ANO4: variants seen among roughly 807,000 people sequenced by gnomAD.
The protein encoded by ANO4 is anoctamin-4.
In ANO4, 69 loss-of-function variants were observed where a neutral mutation model predicts 141.9. The ratio of observed to expected loss-of-function variants is 0.49; its 90% CI spans 0.40 to 0.59. ANO4 has a LOEUF of 0.59. Among genes scored for constraint, ANO4 ranks in the 20% least tolerant of loss-of-function variants. ANO4 has a pLI of 0.00. For missense variants in ANO4, 894 were observed against 1,162.2 expected (o/e 0.77, Z 3.36); for synonymous variants, 350 against 394.3 (o/e 0.89, Z 1.33).
intron 1 of ANO4, among the ~76,000 whole-genome samples, chr12:100,816,043 A>G (rs1480256716): frequency 6.6e-6 from 1 of 152,060 alleles, no homozygotes; most frequent in Non-Finnish European, 1.5e-5. Flanking sequence ...TCAACTCTTA[A>G]TTATTCTTAA....
chr12:101,004,116 C>T (rs1228209142), intron 8 of ANO4, among the ~76,000 whole-genome samples: 1 of 138,508 alleles, frequency 7.2e-6, no homozygotes, highest in African/African-American at 2.8e-5. Context: ...AAAACTGAAA[C>T]CTGGCAGTTA....
chr12:101,039,047 C>T (rs2047312625), intron 10 of ANO4: 1 of 152,232 alleles, frequency 6.6e-6, no homozygotes. Context: ...ATGCACTTCT[C>T]TGGCCCTTTG....
At position 100,951,994 on chromosome 12, in the gene ANO4, G is replaced by C. The variant is rs182298723; in HGVS notation, c.456+9459G>C. Among the ~76,000 whole-genome samples, 259 of 152,082 alleles carry C rather than the reference G, an allele frequency of 1.7e-3. 1 individual carries two copies. Among genetic ancestry groups the C allele is most frequent in the African/African-American group, 5.8e-3 (242 of 41,470 alleles). ...CAAGCATTGTCACATGTCCTGGTGT[G>C]GGGGGAGGGAGGAATCATCCCTAGC... On this transcript the variant is annotated intron_variant, in intron 5 of 27. Coordinates refer to ENST00000392977, the MANE Select transcript of ANO4 (RefSeq NM_001286615.2).
intron 14 of ANO4, among the ~76,000 whole-genome samples, chr12:101,063,746 T>TA (rs2048452733): frequency 1.8e-5 from 1 of 55,772 alleles, no homozygotes; most frequent in Non-Finnish European, 3.3e-5. Context: ...CCAGGTTATC[T>TA]TTTTTTTTTT....
At chr12:100,966,828 C>T (rs1302987331) in intron 5 of ANO4, among the ~76,000 whole-genome samples, 1 of 125,208 alleles carries the variant, frequency 8.0e-6, no homozygotes, top group East Asian at 2.7e-4. Flanking sequence ...TATATATATA[C>T]ACATATATAT....
At chr12:100,814,563 A>G (rs1044360694) in intron 1 of ANO4, among the ~76,000 whole-genome samples, 1 of 152,116 alleles carries the variant, frequency 6.6e-6, no homozygotes, top group Non-Finnish European at 1.5e-5. Flanking sequence ...TAGTCCTTAT[A>G]TGTTTTTATT....
chr12:100,977,756 G>A (rs1422066603), intron 7 of ANO4, among the ~76,000 whole-genome samples: 2 of 152,044 alleles, frequency 1.3e-5, no homozygotes, highest in Non-Finnish European at 2.9e-5. Context: ...CTCCTGAGTA[G>A]CAAATCTGAT....
chr12:101,058,136 T>A (rs1409986564), intron 14 of ANO4, among the ~76,000 whole-genome samples: 1 of 152,184 alleles, frequency 6.6e-6, no homozygotes, highest in East Asian at 1.9e-4. Flanking sequence ...TCCCCATTGC[T>A]GTTTTTGTCA....
intron 3 of ANO4, among the ~76,000 whole-genome samples, chr12:100,771,995 G>A (rs1228898565): frequency 6.6e-6 from 1 of 152,194 alleles, no homozygotes; most frequent in Non-Finnish European, 1.5e-5. Context: ...TAGGATTTTG[G>A]TAGGAGCCAG....
chr12:100,995,392 A>G (rs1040974097), intron 8 of ANO4, among the ~76,000 whole-genome samples: 1 of 152,154 alleles, frequency 6.6e-6, no homozygotes, highest in Non-Finnish European at 1.5e-5. Flanking sequence ...AACAATAGTG[A>G]TGAGTTAGAG....
chr12:101,096,229 C>T (rs1318683423), intron 18 of ANO4, among the ~76,000 whole-genome samples: 4 of 152,166 alleles, frequency 2.6e-5, no homozygotes, highest in Non-Finnish European at 5.9e-5. Flanking sequence ...AATGAGGCCT[C>T]GACAGCCTGG....
rs1402784358 is a variant in ANO4, at chr12:100,751,367, GT to G, written c.358+11266del. On this transcript the variant is annotated intron_variant, in intron 3 of 29. Coordinates refer to the ANO4 transcript ENST00000644049. ...AGAAAAAGGCCCAGAATCTGAGCAG[GT>G]TTTCCAACCCCCAGGAACTGCTGAG... 3.9e-5 allele frequency among the ~76,000 whole-genome samples: 6 copies of G among 152,216 alleles called. No individual in the cohort carries two copies. The East Asian group carries it at 1.2e-3, about 29-fold the overall frequency.
At chr12:100,831,087 A>C (rs1169751044) in intron 1 of ANO4, among the ~76,000 whole-genome samples, 1 of 152,140 alleles carries the variant, frequency 6.6e-6, no homozygotes, top group Non-Finnish European at 1.5e-5. Context: ...ACTGATATTT[A>C]AAACTGTATA....
At chr12:100,781,895 T>C (rs1433772079) in intron 3 of ANO4, among the ~76,000 whole-genome samples, 3 of 152,214 alleles carry the variant, frequency 2.0e-5, no homozygotes, top group African/African-American at 7.2e-5. Flanking sequence ...ACAAATGGGT[T>C]GATATAATTC....
intron 5 of ANO4, among the ~76,000 whole-genome samples, chr12:100,967,179 C>T (rs986425927): frequency 2.0e-5 from 3 of 152,072 alleles, no homozygotes; most frequent in Non-Finnish European, 4.4e-5. Context: ...TTTTCCCAAA[C>T]TTCTCTAAGT....
intron 2 of ANO4, among the ~76,000 whole-genome samples, chr12:100,906,413 A>G (rs1425818499): frequency 1.3e-5 from 2 of 152,190 alleles, no homozygotes; most frequent in African/African-American, 4.8e-5. Context: ...AGGTGGTAAG[A>G]GAATGGAATG....
At chr12:101,110,999 C>A (rs2050642724) in intron 23 of ANO4, among the ~76,000 whole-genome samples, 6 of 152,248 alleles carry the variant, frequency 3.9e-5, no homozygotes, top group African/African-American at 1.4e-4. Flanking sequence ...TCAGATGCAG[C>A]TCGCATGAGA....
intron 9 of ANO4, among the ~76,000 whole-genome samples, chr12:101,033,688 A>C (rs572343108): frequency 6.6e-6 from 1 of 152,184 alleles, no homozygotes; most frequent in Non-Finnish European, 1.5e-5. Flanking sequence ...AGAAACTATC[A>C]TCAGAGTGAA....
intron 26 of ANO4, among the ~76,000 whole-genome samples, chr12:101,121,752 ACTTTT>A (rs1436179246): frequency 1.7e-5 from 1 of 59,224 alleles, no homozygotes; most frequent in African/African-American, 8.1e-5. Flanking sequence ...TAATTTGTTT[ACTTTT>A]TTTTTTTTTT....
Sources: allele counts gnomAD v4.1 joint callset (sites outside exome capture counted in the v4.1 genomes callset), GRCh38; gene constraint gnomAD v4.1.1; transcripts MANE v1.5; gene names NCBI Gene and HGNC (gene_info 2026-07-23, HGNC 2026-07-21).